Variants in NEDD4 observed in about 807,000 individuals in gnomAD.
NEDD4 encodes the protein E3 ubiquitin-protein ligase NEDD4.
NEDD4 carries 99 observed loss-of-function variants against 144.9 expected under a neutral mutation model. That is an observed-to-expected ratio of 0.68 (90% CI 0.58 to 0.81). The LOEUF (loss-of-function observed/expected upper bound fraction) is 0.81. NEDD4 is among the 30% of genes least tolerant of loss of function. The pLI, the probability that NEDD4 is intolerant of heterozygous loss-of-function variation, is 0.00. For missense variants in NEDD4, 985 were observed against 1,065.9 expected, an observed-to-expected ratio of 0.92 and a Z score of 1.06; for synonymous variants, 318 against 350.6, an observed-to-expected ratio of 0.91 and a Z score of 1.04.
chr15:55,914,120 T>C (rs565816815), intron 5 of NEDD4, among the ~76,000 whole-genome samples: 12 of 151,976 alleles, frequency 7.9e-5, no homozygotes, highest in South Asian at 6.2e-4. Flanking sequence ...TGGTAACAAT[T>C]ATTATATTTA....
chr15:55,874,841 G>A lies in NEDD4; in HGVS notation c.292-833C>T, dbSNP rs147100438. On this transcript the variant is annotated intron_variant, in intron 5 of 28. Transcript: ENST00000435532. ...ATACAAAAATTAGCCAGGTGTGGTG[G>A]CACATGCCTGTAATCCCAGCTACTT... Among the ~76,000 whole-genome samples, 933 of 152,242 alleles carry A rather than the reference G, an allele frequency of 6.1e-3. 13 individuals carry two copies. Among genetic ancestry groups the A allele is most frequent in the African/African-American group, 0.022 (896 of 41,538 alleles).
intron 7 of NEDD4, 47 bp downstream of exon 7, chr15:55,872,368 A>G (rs747882191): frequency 2.3e-6 from 2 of 883,382 alleles, no homozygotes; most frequent in South Asian, 1.9e-5. Flanking sequence ...AGGTGTAATG[A>G]AGAGATAAAA....
intron 8 of NEDD4, among the ~76,000 whole-genome samples, chr15:55,867,041 TACATACAAC>T (rs2034609880): frequency 1.3e-5 from 2 of 152,188 alleles, no homozygotes; most frequent in African/African-American, 4.8e-5. Flanking sequence ...TTTTGTAAAA[TACATACAAC>T]TAACCCTAAA....
At chr15:55,856,016 T>C (rs548649462) in intron 12 of NEDD4, 115 bp downstream of exon 12, 2 of 801,066 alleles carry the variant, frequency 2.5e-6, no homozygotes, top group African/African-American at 3.5e-5. Flanking sequence ...GGAGCCTACA[T>C]TCTGTGCTGT....
chr15:55,837,961 AAT>A, intron 23 of NEDD4, 112 bp from the exon 24 acceptor site: 1 of 934,130 alleles, frequency 1.1e-6, no homozygotes. Context: ...GTAAAAGCTG[AAT>A]ATGAGTGCTT....
At chr15:55,933,650 G>A (rs1260460883) in intron 4 of NEDD4, among the ~76,000 whole-genome samples, 8 of 151,828 alleles carry the variant, frequency 5.3e-5, no homozygotes, top group African/African-American at 9.7e-5. Flanking sequence ...AAACCTGCAC[G>A]TTGTGTACGT....
At chr15:55,926,491 C>T (rs941417690) in intron 4 of NEDD4, among the ~76,000 whole-genome samples, 1 of 152,210 alleles carries the variant, frequency 6.6e-6, no homozygotes, top group East Asian at 1.9e-4. Context: ...TTAAGACGGC[C>T]GGATGTGCTG....
chr15:55,896,377 T>C (rs532885347), intron 5 of NEDD4, among the ~76,000 whole-genome samples: 1 of 152,096 alleles, frequency 6.6e-6, no homozygotes. Context: ...AGAGATGGGG[T>C]TTTGCCACGT....
intron 1 of NEDD4, among the ~76,000 whole-genome samples, chr15:55,972,167 T>A (rs1229638925): frequency 2.0e-5 from 3 of 152,156 alleles, no homozygotes; most frequent in Admixed American, 6.5e-5. Flanking sequence ...TAATAAGCGA[T>A]AAGAAATCAT....
At chr15:55,905,913 A>T (rs1235367715) in intron 5 of NEDD4, among the ~76,000 whole-genome samples, 3 of 152,026 alleles carry the variant, frequency 2.0e-5, no homozygotes, top group Non-Finnish European at 4.4e-5. Context: ...TTTTGTTGCC[A>T]TTGCTTTTGG....
chr15:55,941,099 T>C (rs1369622237), intron 4 of NEDD4, among the ~76,000 whole-genome samples: 1 of 152,174 alleles, frequency 6.6e-6, no homozygotes, highest in East Asian at 1.9e-4. Context: ...ATTCCTAATA[T>C]TGGTCATCTG....
intron 5 of NEDD4, among the ~76,000 whole-genome samples, chr15:55,886,270 C>A (rs1465726181): frequency 7.2e-5 from 11 of 152,204 alleles, no homozygotes; most frequent in African/African-American, 2.4e-4. Flanking sequence ...CAACATCACA[C>A]TTTCAGCATT....
chr15:55,915,660 TCA>T, intron 5 of NEDD4: 1 of 1,613,870 alleles, frequency 6.2e-7, no homozygotes, highest in Admixed American at 1.7e-5. Context: ...ATTTGTTGTT[TCA>T]CAGTCTAATG....
At chr15:55,968,221 A>G (rs2037549444) in intron 1 of NEDD4, among the ~76,000 whole-genome samples, 1 of 152,176 alleles carries the variant, frequency 6.6e-6, no homozygotes, top group South Asian at 2.1e-4. Context: ...AGAAGTAAAC[A>G]ATAACATTCA....
At chr15:55,984,051 C>G (rs2037850661) in intron 1 of NEDD4, among the ~76,000 whole-genome samples, 1 of 152,078 alleles carries the variant, frequency 6.6e-6, no homozygotes, top group Non-Finnish European at 1.5e-5. Flanking sequence ...TACCTCATGC[C>G]CTGACCCACG....
At chr15:55,916,749 T>A in intron 5 of NEDD4, 1 of 1,614,012 alleles carries the variant, frequency 6.2e-7, no homozygotes, top group Non-Finnish European at 8.5e-7. Flanking sequence ...AACATGGCTA[T>A]CCAAGTCATC....
At chr15:55,921,999 A>G (rs1395537211) in intron 5 of NEDD4, among the ~76,000 whole-genome samples, 2 of 152,230 alleles carry the variant, frequency 1.3e-5, no homozygotes, top group South Asian at 4.1e-4. Flanking sequence ...AATACACTCA[A>G]TGATCAGGCA....
Position 55,835,439 on chromosome 15 carries a change from T to TTC in NEDD4, c.2263-1154_2263-1153insGA, listed in dbSNP as rs1555392050. On this transcript the variant is annotated intron_variant, in intron 24 of 28. Coordinates refer to ENST00000435532, the MANE Select transcript of NEDD4 (RefSeq NM_006154.4). ...TGTTCTGTTTTTTTTTTTTTTTTTT[T>TTC]CCCATGCCCTAAACTGTCCATTTAT... Among the ~76,000 whole-genome samples the TTC allele has an allele frequency of 2.9e-3, 419 of 142,914 alleles. 5 individuals carry two copies. The highest frequency in any genetic ancestry group is 5.6e-3 in the African/African-American group (218 of 38,596). 93.8% of individuals were successfully genotyped at this position (142,914 alleles called of 152,430 possible).
At chr15:55,832,833 G>T (rs1409194860) in intron 27 of NEDD4, among the ~76,000 whole-genome samples, 175 bp downstream of exon 27, 1 of 152,080 alleles carries the variant, frequency 6.6e-6, no homozygotes, top group Non-Finnish European at 1.5e-5. Flanking sequence ...TGATTAGAAG[G>T]TGTAAATATA....
Sources: allele counts gnomAD v4.1 joint callset (sites outside exome capture counted in the v4.1 genomes callset), GRCh38; gene constraint gnomAD v4.1.1; transcripts MANE v1.5; gene names NCBI Gene and HGNC (gene_info 2026-07-23, HGNC 2026-07-21).